Variants in RNF152 observed in about 807,000 individuals in gnomAD.
RNF152 encodes ring finger protein 152.
In RNF152, 11 loss-of-function variants were observed where a neutral mutation model predicts 12.7. The observed-to-expected ratio is 0.86, with a 90% CI of 0.54 to 1.43. RNF152 has a LOEUF of 1.43. Among genes scored for constraint, RNF152 ranks in the 40% most tolerant of loss-of-function variants. The probability of loss-of-function intolerance (pLI) is 0.00; values close to 1 mark genes in which losing one functional copy is unlikely to be tolerated. For missense variants in RNF152, 255 were observed against 274.8 expected (o/e 0.93, Z 0.51); for synonymous variants, 113 against 120.3 (o/e 0.94, Z 0.40).
chr18:61,857,910 C>G (rs943749123), intron 1 of RNF152, among the ~76,000 whole-genome samples: 42 of 152,112 alleles, frequency 2.8e-4, no homozygotes, highest in Admixed American at 1.4e-3. Flanking sequence ...AATCAGACAA[C>G]TAAAACAATA....
At chr18:61,869,445 G>T (rs1911886208) in intron 1 of RNF152, among the ~76,000 whole-genome samples, 1 of 152,144 alleles carries the variant, frequency 6.6e-6, no homozygotes, top group Non-Finnish European at 1.5e-5. Context: ...TACTGGAAAA[G>T]AACTAAATGT....
upstream of RNF152, among the ~76,000 whole-genome samples, chr18:61,893,928 G>C (rs1449427549): frequency 6.6e-6 from 1 of 150,930 alleles, no homozygotes; most frequent in African/African-American, 2.4e-5. Flanking sequence ...CACCTCCCCC[G>C]TGCCCCGCCA....
At chr18:61,864,000 C>T (rs1378965338) in intron 1 of RNF152, among the ~76,000 whole-genome samples, 1 of 152,220 alleles carries the variant, frequency 6.6e-6, no homozygotes, top group African/African-American at 2.4e-5. Context: ...ATCAGGAGAA[C>T]CTGACTTCAT....
chr18:61,830,770 A>G (rs2144648364), intron 1 of RNF152, among the ~76,000 whole-genome samples: 1 of 152,298 alleles, frequency 6.6e-6, no homozygotes, highest in South Asian at 2.1e-4. Flanking sequence ...GTGAAGGAGT[A>G]TAGAAAAGAT....
chr18:61,888,733 A>G (rs1409791383), intron 1 of RNF152: 2 of 152,194 alleles, frequency 1.3e-5, no homozygotes, highest in Non-Finnish European at 2.9e-5. Flanking sequence ...CTTTATCCCA[A>G]TTGTGATTTC....
intron 1 of RNF152, among the ~76,000 whole-genome samples, chr18:61,856,920 T>G (rs1342975360): frequency 6.6e-6 from 1 of 152,234 alleles, no homozygotes; most frequent in Non-Finnish European, 1.5e-5. Flanking sequence ...ACCTAAGCGT[T>G]ATTTACAAGC....
chr18:61,880,845 C>G (rs1470273599), intron 1 of RNF152, among the ~76,000 whole-genome samples: 2 of 151,802 alleles, frequency 1.3e-5, no homozygotes, highest in Non-Finnish European at 2.9e-5. Flanking sequence ...CTACACAATT[C>G]TTTACCCTTA....
At chr18:61,878,367 A>T (rs2144751467) in intron 1 of RNF152, among the ~76,000 whole-genome samples, 1 of 152,288 alleles carries the variant, frequency 6.6e-6, no homozygotes, top group African/African-American at 2.4e-5. Flanking sequence ...AAATGCTGAG[A>T]TTCTGGTGAG....
chr18:61,815,817 G>T lies in RNF152; in HGVS notation c.*35C>A, dbSNP rs1174423483. 2.5e-6 allele frequency: 4 copies of T among 1,598,434 alleles called. No homozygotes were observed. The highest frequency in any genetic ancestry group is 2.3e-5 in the South Asian group (2 of 88,732). ...CATCATCAACCTGCTCAACCCCTAA[G>T]TTGGCACCCACAAGAGACTTCCCTG... On this transcript the variant is annotated 3_prime_UTR_variant, in exon 2 of 2. Transcript: ENST00000312828.
At chr18:61,880,545 T>G (rs4358044) in intron 1 of RNF152, among the ~76,000 whole-genome samples, 49,786 of 152,006 alleles carry the variant, frequency 0.33, 9,236 homozygotes, top group Middle Eastern at 0.44. Flanking sequence ...CACTTTAAAC[T>G]GAAAGCACCC....
chr18:61,813,618 A>G lies in RNF152; in HGVS notation c.*2234T>C, dbSNP rs571624763. 1 of 152,340 alleles carries G rather than the reference A, an allele frequency of 6.6e-6. No individual in the cohort carries two copies. The highest frequency in any genetic ancestry group is 2.4e-5 in the African/African-American group (1 of 41,576). The allele number at this position is 152,340 out of a possible 1,614,324, so 9.4% of individuals were successfully genotyped here. ...ACACATTAGTGTCTATATCTAACCT[A>G]CTTTAACAAGTAGAACTCTATCACG... On this transcript the variant is annotated 3_prime_UTR_variant, in exon 2 of 2. Transcript: ENST00000312828.
chr18:61,843,736 G>A (rs1054122984), intron 1 of RNF152, among the ~76,000 whole-genome samples: 2 of 152,104 alleles, frequency 1.3e-5, no homozygotes, highest in African/African-American at 2.4e-5. Context: ...ACTTACATGA[G>A]GTACTTACAG....
chr18:61,819,560 G>A (rs148025950), intron 1 of RNF152, among the ~76,000 whole-genome samples: 2 of 152,294 alleles, frequency 1.3e-5, no homozygotes, highest in Non-Finnish European at 2.9e-5. Context: ...GCAGGGTATT[G>A]CAATGAGGTT....
In RNF152 at chr18:61,851,425, G is replaced by T. The variant is rs150208668; in HGVS notation, c.-135-34827C>A. 4.7e-3 allele frequency among the ~76,000 whole-genome samples: 709 copies of T among 151,556 alleles called. 9 individuals are homozygous for T. The highest frequency in any genetic ancestry group is 0.016 in the African/African-American group (658 of 41,496). On this transcript the variant is annotated intron_variant, in intron 1 of 1. Coordinates refer to ENST00000312828, the MANE Select transcript of RNF152 (RefSeq NM_173557.3). ...GGAGAAAACACTTACCCAAGCGCCTGAGCTGCCCCAGCTTCAGGGGTGAGG... is the reference window on the plus strand; with the variant it reads ...GGAGAAAACACTTACCCAAGCGCCTTAGCTGCCCCAGCTTCAGGGGTGAGG...
chr18:61,817,966 G>C (rs531941037), intron 1 of RNF152, among the ~76,000 whole-genome samples: 10 of 152,080 alleles, frequency 6.6e-5, no homozygotes, highest in Non-Finnish European at 1.3e-4. Flanking sequence ...AAAATTGCTA[G>C]TCCTAGAACC....
At chr18:61,881,740 A>AT (rs1238721996) in intron 1 of RNF152, among the ~76,000 whole-genome samples, 8 of 152,304 alleles carry the variant, frequency 5.3e-5, no homozygotes, top group African/African-American at 1.9e-4. Context: ...CCCCAAGAGA[A>AT]TGTTATTTTA....
At chr18:61,873,080 C>T (rs1016330846) in intron 1 of RNF152, among the ~76,000 whole-genome samples, 3 of 152,156 alleles carry the variant, frequency 2.0e-5, no homozygotes, top group Non-Finnish European at 4.4e-5. Context: ...GGTTCTGCCA[C>T]TTGCTAGCAC....
intron 1 of RNF152, among the ~76,000 whole-genome samples, chr18:61,828,682 G>A (rs945438877): frequency 5.3e-5 from 8 of 152,318 alleles, no homozygotes; most frequent in African/African-American, 1.4e-4. Context: ...TAGAAACAAA[G>A]TTTTTCATCC....
At chr18:61,886,020 A>C (rs1912684370) in intron 1 of RNF152, among the ~76,000 whole-genome samples, 1 of 127,774 alleles carries the variant, frequency 7.8e-6, no homozygotes, top group African/African-American at 3.1e-5. Context: ...TTTTGTGGGC[A>C]AAGTAGGAGG....
Sources: gnomAD v4.1 joint callset for allele counts (sites outside exome capture counted in the v4.1 genomes callset) on GRCh38, gnomAD v4.1.1 for gene constraint, MANE v1.5 for transcripts, NCBI Gene and HGNC (gene_info 2026-07-23, HGNC 2026-07-21) for gene names.